The following PRSS23 variants were observed in gnomAD, a reference collection of about 807,000 sequenced individuals.
PRSS23 encodes serine protease 23.
A neutral mutation model predicts 34.7 loss-of-function variants in PRSS23; 25 were observed. The observed-to-expected ratio is 0.72, with a 90% CI of 0.53 to 1.01. The LOEUF is 1.01. PRSS23 is among the 50% of genes least tolerant of loss of function. PRSS23 has a pLI of 0.00. For missense variants in PRSS23, 445 were observed against 475.6 expected (o/e 0.94, Z 0.60); for synonymous variants, 176 against 186.6 (o/e 0.94, Z 0.46).
chr11:86,851,492 G>A lies in PRSS23; in HGVS notation c.206+27899G>A, dbSNP rs576650138. ...GCACAGTGAGCAGGGGCATCTGCCC[G>A]AGTGACAAGGATTTGAGAGGGCAGG... On this transcript the variant is annotated intron_variant, in intron 2 of 2. Coordinates refer to the PRSS23 transcript ENST00000533902. 4.6e-5 allele frequency among the ~76,000 whole-genome samples: 7 copies of A among 152,358 alleles called. No individual in the cohort carries two copies. The East Asian group carries it at 9.6e-4, about 21-fold the overall frequency.
chr11:86,818,086 G>C (rs17819181), intron 1 of PRSS23, among the ~76,000 whole-genome samples: 37,985 of 152,012 alleles, frequency 0.25, 5,204 homozygotes, highest in East Asian at 0.42. Context: ...AGGCTTAATC[G>C]TTGATTTGAT....
At chr11:86,800,450 C>T (rs2135592229), upstream of PRSS23, 1 of 983,210 alleles carries the variant, frequency 1.0e-6, no homozygotes, top group Non-Finnish European at 1.2e-6. Context: ...GGCGTCCGCG[C>T]GGCTTCCCCG....
Position 86,890,973 on chromosome 11 carries a change from C to T in PRSS23, c.207-60243C>T, listed in dbSNP as rs1948837562. Among the ~76,000 whole-genome samples, 5 of 152,170 alleles carry T rather than the reference C, an allele frequency of 3.3e-5. No individual in the cohort carries two copies. In the South Asian group the frequency reaches 1.0e-3, roughly 32 times the overall value. Reference sequence around the variant, plus strand: ...CAACCAGTTAGTAATTTATAGTTTGCCATCTTCAAAATGCCTTTTGGTTCG... The same window carrying T: ...CAACCAGTTAGTAATTTATAGTTTGTCATCTTCAAAATGCCTTTTGGTTCG... On this transcript the variant is annotated intron_variant, in intron 2 of 2. Coordinates refer to the PRSS23 transcript ENST00000533902.
chr11:86,860,007 G>A (rs11234834), intron 2 of PRSS23, among the ~76,000 whole-genome samples: 58,904 of 151,700 alleles, frequency 0.39, 11,917 homozygotes, highest in African/African-American at 0.49. Flanking sequence ...AACCTGTGAT[G>A]TTGATCCTAA....
At chr11:86,874,629 A>G (rs760751041) in intron 2 of PRSS23, among the ~76,000 whole-genome samples, 4 of 152,244 alleles carry the variant, frequency 2.6e-5, no homozygotes, top group Non-Finnish European at 4.4e-5. Flanking sequence ...CTTGCAATCT[A>G]AAGAATTCTG....
At chr11:86,793,190 C>T (rs544027667) in intron 1 of PRSS23, among the ~76,000 whole-genome samples, 8 of 152,224 alleles carry the variant, frequency 5.3e-5, no homozygotes, top group African/African-American at 9.6e-5. Context: ...TTGAGATAAA[C>T]GAGCTTAACT....
chr11:86,923,379 A>G (rs7111591), intron 2 of PRSS23, among the ~76,000 whole-genome samples: 219 of 152,244 alleles, frequency 1.4e-3, no homozygotes, highest in Non-Finnish European at 2.3e-3. Context: ...TAAGCCTCCC[A>G]AATTGCTGGG....
intron 1 of PRSS23, among the ~76,000 whole-genome samples, chr11:86,817,297 T>A (rs1202659821): frequency 6.6e-6 from 1 of 152,216 alleles, no homozygotes; most frequent in Non-Finnish European, 1.5e-5. Flanking sequence ...AAAAACTCTT[T>A]CTTTTGAAAT....
chr11:86,869,260 A>G (rs1452300414), intron 2 of PRSS23, among the ~76,000 whole-genome samples: 1 of 152,212 alleles, frequency 6.6e-6, no homozygotes, highest in Non-Finnish European at 1.5e-5. Flanking sequence ...ATGGCAGATA[A>G]TAACATGAGG....
chr11:86,843,532 G>A (rs898091213), intron 2 of PRSS23, among the ~76,000 whole-genome samples: 1 of 151,972 alleles, frequency 6.6e-6, no homozygotes, highest in Non-Finnish European at 1.5e-5. Context: ...TCTGACAAAG[G>A]GCTAATATCC....
intron 2 of PRSS23, among the ~76,000 whole-genome samples, chr11:86,843,586 C>T (rs190646449): frequency 1.1e-4 from 16 of 151,488 alleles, no homozygotes; most frequent in African/African-American, 3.1e-4. Context: ...AAAAAAAGCC[C>T]CATCAAAAAG....
chr11:86,825,752 G>T (rs1346779737), intron 2 of PRSS23, among the ~76,000 whole-genome samples: 5 of 151,592 alleles, frequency 3.3e-5, no homozygotes, highest in African/African-American at 9.7e-5. Context: ...TTTCCCCATT[G>T]CTTGTTTTTG....
intron 2 of PRSS23, among the ~76,000 whole-genome samples, chr11:86,918,373 A>C (rs1488603512): frequency 6.6e-6 from 1 of 152,160 alleles, no homozygotes; most frequent in Non-Finnish European, 1.5e-5. Flanking sequence ...ATGTATTCAT[A>C]TATTGTTTAT....
At chr11:86,833,984 G>A (rs923732063) in intron 2 of PRSS23, among the ~76,000 whole-genome samples, 1 of 152,186 alleles carries the variant, frequency 6.6e-6, no homozygotes, top group Non-Finnish European at 1.5e-5. Flanking sequence ...CGGTCCAGGG[G>A]TCCATGGTAG....
chr11:86,893,048 T>C (rs1948851902), intron 2 of PRSS23, among the ~76,000 whole-genome samples: 1 of 152,150 alleles, frequency 6.6e-6, no homozygotes, highest in African/African-American at 2.4e-5. Context: ...CTAAATCCAA[T>C]GGCTGTGTCC....
chr11:86,942,025 G>A (rs1185675345), intron 2 of PRSS23, among the ~76,000 whole-genome samples: 3 of 152,118 alleles, frequency 2.0e-5, no homozygotes, highest in South Asian at 2.1e-4. Context: ...AAGCTCTGAC[G>A]GTACATAAAT....
intron 2 of PRSS23, among the ~76,000 whole-genome samples, chr11:86,928,064 A>G (rs1181897467): frequency 6.6e-6 from 1 of 151,372 alleles, no homozygotes; most frequent in Non-Finnish European, 1.5e-5. Context: ...TATTTAGCCT[A>G]CATAGATGTA....
chr11:86,879,584 A>T (rs1476516207), intron 2 of PRSS23, among the ~76,000 whole-genome samples: 1,441 of 34,118 alleles, frequency 0.042, no homozygotes, highest in East Asian at 0.052. Flanking sequence ...CCGCCCCGTC[A>T]GGGAGGTGAG....
rs755697661 is a variant in PRSS23 at position 86,808,613 on chromosome 11, A to C, written c.970A>C (p.Met324Leu). 6.2e-7 allele frequency: 1 copy of C among 1,614,186 alleles called. No individual in the cohort carries two copies. Among genetic ancestry groups the C allele is most frequent in the Non-Finnish European group, 8.5e-7 (1 of 1,180,032 alleles). ...GASGSGVYVR[M>L]WKRQQQKWER... The stretch of plus-strand genomic sequence containing the variant: ...CAGCGGGTCTGGGGTCTATGTGAGG[A>C]TGTGGAAGAGACAGCAGCAGAAGTG... The change falls in exon 2 of 2, where the codon ATG (methionine) becomes CTG (leucine). Residue 324 changes from methionine (M) to leucine (L), a missense_variant. By Grantham distance (15) the Met-to-Leu change is conservative. Transcript: ENST00000280258.
Sources: gnomAD v4.1 joint callset for allele counts (sites outside exome capture counted in the v4.1 genomes callset) on GRCh38, gnomAD v4.1.1 for gene constraint, MANE v1.5 for transcripts, NCBI Gene and HGNC (gene_info 2026-07-23, HGNC 2026-07-21) for gene names.